The following PRELID2 variants were observed in gnomAD, a reference collection of about 807,000 sequenced individuals.
The protein encoded by PRELID2 is PRELI domain containing 2.
PRELID2 carries 25 observed loss-of-function variants against 28.4 expected under a neutral mutation model. The ratio of observed to expected loss-of-function variants is 0.88; its 90% CI spans 0.64 to 1.23. The LOEUF (loss-of-function observed/expected upper bound fraction) is 1.23, where lower values mean the gene tolerates loss of function less well. Among genes scored for constraint, PRELID2 ranks in the 50% most tolerant of loss-of-function variants. The pLI is 0.00. For missense variants in PRELID2, 201 were observed against 214.4 expected (o/e 0.94, Z 0.39); for synonymous variants, 76 against 71.6 (o/e 1.06, Z -0.31).
At chr5:145,773,429 A>C (rs1758224208) in intron 5 of PRELID2, among the ~76,000 whole-genome samples, 1 of 152,220 alleles carries the variant, frequency 6.6e-6, no homozygotes, top group Non-Finnish European at 1.5e-5. Flanking sequence ...ATTTTAAAAA[A>C]TTTGACCTGC....
At chr5:145,704,763 T>C (rs946407105) in intron 1 of PRELID2, among the ~76,000 whole-genome samples, 3 of 152,114 alleles carry the variant, frequency 2.0e-5, no homozygotes. Context: ...AGATAAAATT[T>C]AGAATTGGGC....
the PRELID2 span, among the ~76,000 whole-genome samples, chr5:145,428,806 G>T: frequency 6.6e-6 from 1 of 152,188 alleles, no homozygotes; most frequent in Admixed American, 6.5e-5. Flanking sequence ...AAAGAAATAA[G>T]CAAGGGAGGC....
rs74732172 is a variant in PRELID2 at position 145,668,447 on chromosome 5, A to G, written n.70+96484T>C. The stretch of plus-strand genomic sequence containing the variant: ...ATACCCAATATAAATCTAGATTTTA[A>G]AAAAAAAGGCAGTATAGCTGTTTAT... On this transcript the variant is annotated intron_variant and non_coding_transcript_variant, in intron 1 of 2. Transcript: ENST00000510259. 6.8e-3 allele frequency among the ~76,000 whole-genome samples: 1,037 copies of G among 151,836 alleles called. 20 individuals carry two copies. The highest frequency in any genetic ancestry group is 0.024 in the African/African-American group (980 of 41,466).
At chr5:145,708,175 A>G (rs909325190) in intron 1 of PRELID2, among the ~76,000 whole-genome samples, 2 of 152,074 alleles carry the variant, frequency 1.3e-5, no homozygotes, top group African/African-American at 2.4e-5. Flanking sequence ...CTTCCATCCA[A>G]CTGGAACATC....
chr5:145,411,239 CAAAG>C, the PRELID2 span, among the ~76,000 whole-genome samples: 2 of 152,068 alleles, frequency 1.3e-5, no homozygotes, highest in African/African-American at 4.8e-5. Flanking sequence ...TGACAGCAGG[CAAAG>C]AGAGAGCTTG....
chr5:145,340,503 C>A, the PRELID2 span, among the ~76,000 whole-genome samples: 1 of 152,116 alleles, frequency 6.6e-6, no homozygotes, highest in Non-Finnish European at 1.5e-5. Context: ...CATGGTGGCT[C>A]ATGCCTGTAA....
At chr5:145,820,265 GC>G (rs747229363) in intron 2 of PRELID2, among the ~76,000 whole-genome samples, 1 of 151,754 alleles carries the variant, frequency 6.6e-6, no homozygotes, top group Non-Finnish European at 1.5e-5. Context: ...TTTTCTATTT[GC>G]AAGATTCCTA....
chr5:145,603,304 A>G (rs1172209389), intron 1 of PRELID2, among the ~76,000 whole-genome samples: 2 of 151,996 alleles, frequency 1.3e-5, no homozygotes, highest in East Asian at 3.8e-4. Flanking sequence ...AAAAAAAAAA[A>G]GAAAAATCTT....
At chr5:145,494,715 T>C (rs539820025) in intron 1 of PRELID2, among the ~76,000 whole-genome samples, 1 of 152,278 alleles carries the variant, frequency 6.6e-6, no homozygotes, top group Admixed American at 6.5e-5. Flanking sequence ...TTATGTACCA[T>C]GAGAAGAAAA....
chr5:145,550,706 G>A lies in PRELID2; in HGVS notation n.71-77391C>T, dbSNP rs182285205. On this transcript the variant is annotated intron_variant and non_coding_transcript_variant, in intron 1 of 2. Coordinates refer to the PRELID2 transcript ENST00000510259. The stretch of plus-strand genomic sequence containing the variant: ...TAAATAAGAAACTAGGAAACCAAGG[G>A]GAATAAATTGAATTCAGTCAGCATT... Among the ~76,000 whole-genome samples, 1,232 of 152,184 alleles carry A rather than the reference G, an allele frequency of 8.1e-3. 14 individuals are homozygous for A. The highest frequency in any genetic ancestry group is 0.014 in the Middle Eastern group (4 of 294).
chr5:145,492,465 G>A (rs1752278015), intron 1 of PRELID2, among the ~76,000 whole-genome samples: 1 of 140,932 alleles, frequency 7.1e-6, no homozygotes, highest in Non-Finnish European at 1.6e-5. Flanking sequence ...CCATTCTGTA[G>A]GTTATCTCTT....
chr5:145,751,112 A>G (rs1166400856), intron 1 of PRELID2, among the ~76,000 whole-genome samples: 1 of 152,214 alleles, frequency 6.6e-6, no homozygotes, highest in Non-Finnish European at 1.5e-5. Flanking sequence ...CACATACACT[A>G]CAGGGAAAAT....
chr5:145,653,988 T>C (rs1253638248), intron 1 of PRELID2, among the ~76,000 whole-genome samples: 3 of 151,586 alleles, frequency 2.0e-5, no homozygotes, highest in African/African-American at 7.3e-5. Context: ...TCAATAAAAT[T>C]GATAGATCGC....
At chr5:145,508,003 C>T (rs1008311274) in intron 1 of PRELID2, among the ~76,000 whole-genome samples, 10 of 152,230 alleles carry the variant, frequency 6.6e-5, no homozygotes, top group African/African-American at 2.4e-4. Context: ...GTAGTTAATT[C>T]TCTTATTTTA....
intron 5 of PRELID2, among the ~76,000 whole-genome samples, chr5:145,787,901 T>C (rs531756625): frequency 6.6e-6 from 1 of 152,226 alleles, no homozygotes; most frequent in South Asian, 2.1e-4. Flanking sequence ...AATCAGTCTA[T>C]CTATGGTCTT....
At chr5:145,341,066 C>T in the PRELID2 span, among the ~76,000 whole-genome samples, 2 of 151,784 alleles carry the variant, frequency 1.3e-5, no homozygotes, top group East Asian at 3.9e-4. Context: ...CCAAAGCACC[C>T]TACCTAACCA....
At chr5:145,321,527 CAG>C in the PRELID2 span, among the ~76,000 whole-genome samples, 16 of 152,182 alleles carry the variant, frequency 1.1e-4, no homozygotes, top group African/African-American at 3.4e-4. Context: ...CAGTTGAGAA[CAG>C]AGAGACATTT....
At chr5:145,610,182 T>C (rs1475034328) in intron 1 of PRELID2, among the ~76,000 whole-genome samples, 1 of 152,150 alleles carries the variant, frequency 6.6e-6, no homozygotes, top group Admixed American at 6.5e-5. Flanking sequence ...TGGGGGGCTC[T>C]CACTCACACC....
At chr5:145,721,559 T>TAAAAACTACAACTGAAATAAAGTGAC (rs2149717740) in intron 1 of PRELID2, among the ~76,000 whole-genome samples, 1 of 152,270 alleles carries the variant, frequency 6.6e-6, no homozygotes, top group African/African-American at 2.4e-5. Flanking sequence ...AGTAATTTTA[T>TAAAAACTACAACTGAAATAAAGTGAC]AAAAACTACA....
Sources: gnomAD v4.1 joint callset for allele counts (sites outside exome capture counted in the v4.1 genomes callset) on GRCh38, gnomAD v4.1.1 for gene constraint, MANE v1.5 for transcripts, NCBI Gene and HGNC (gene_info 2026-07-23, HGNC 2026-07-21) for gene names.